Variants in NEDD4L observed in about 807,000 individuals in gnomAD.
The protein encoded by NEDD4L is NEDD4 like E3 ubiquitin protein ligase.
NEDD4L carries 54 observed loss-of-function variants against 148.9 expected under a neutral mutation model. The ratio of observed to expected loss-of-function variants is 0.36; its 90% CI spans 0.29 to 0.45. The LOEUF is 0.45. NEDD4L is among the 20% of genes least tolerant of loss of function. The probability of loss-of-function intolerance (pLI) is 1.00; values close to 1 mark genes in which losing one functional copy is unlikely to be tolerated. For missense variants in NEDD4L, 856 were observed against 1,233.8 expected (o/e 0.69, Z 4.59); for synonymous variants, 433 against 440.7 (o/e 0.98, Z 0.22).
chr18:58,145,149 C>G (rs557658788), intron 1 of NEDD4L, among the ~76,000 whole-genome samples: 132 of 152,290 alleles, frequency 8.7e-4, no homozygotes, highest in Non-Finnish European at 1.6e-3. Context: ...TTCCCCTCCC[C>G]CTGAGGCTCT....
rs142989570 is a variant in NEDD4L, at chr18:58,078,802, A to G, written c.48+34094A>G. ...GAGGAAGATGAAGGTGAAACGTGGT[A>G]TTGGTCAGTCCGTTTCCTGCTTGGT... On this transcript the variant is annotated intron_variant, in intron 1 of 30. Transcript: ENST00000400345. 8.7e-3 allele frequency among the ~76,000 whole-genome samples: 1,330 copies of G among 152,244 alleles called. 20 individuals carry two copies. The highest frequency in any genetic ancestry group is 0.03 in the African/African-American group (1,249 of 41,530).
At chr18:58,150,357 C>G (rs1351074681) in intron 1 of NEDD4L, among the ~76,000 whole-genome samples, 3 of 152,230 alleles carry the variant, frequency 2.0e-5, no homozygotes, top group African/African-American at 7.2e-5. Flanking sequence ...GCCTCAGCCT[C>G]CTGAGTAGCT....
intron 1 of NEDD4L, among the ~76,000 whole-genome samples, chr18:58,081,419 G>A (rs1363558997): frequency 1.3e-5 from 2 of 151,920 alleles, no homozygotes; most frequent in East Asian, 3.9e-4. Context: ...GTTTCACCGT[G>A]TTAGCCAGGA....
intron 2 of NEDD4L, among the ~76,000 whole-genome samples, chr18:58,216,207 G>A (rs1212409031): frequency 6.6e-6 from 1 of 152,104 alleles, no homozygotes; most frequent in Non-Finnish European, 1.5e-5. Flanking sequence ...AGTGTTCGTA[G>A]AGAGGCACGT....
At chr18:58,214,758 G>GT in intron 2 of NEDD4L, among the ~76,000 whole-genome samples, 1 of 147,746 alleles carries the variant, frequency 6.8e-6, no homozygotes, top group African/African-American at 2.5e-5. Flanking sequence ...GGTGTGTCAT[G>GT]TTTTTAAAAC....
chr18:58,238,001 CAA>C (rs577624071), intron 2 of NEDD4L, among the ~76,000 whole-genome samples: 97 of 152,324 alleles, frequency 6.4e-4, no homozygotes, highest in African/African-American at 2.2e-3. Flanking sequence ...TGGAAGCATC[CAA>C]AAGTGTGTTC....
chr18:58,075,991 A>T (rs1358289709), intron 1 of NEDD4L, among the ~76,000 whole-genome samples: 1 of 152,166 alleles, frequency 6.6e-6, no homozygotes, highest in Non-Finnish European at 1.5e-5. Context: ...ATACAAAGTG[A>T]TCGTTAGGTT....
intron 1 of NEDD4L, among the ~76,000 whole-genome samples, chr18:58,152,863 C>T (rs1194634860): frequency 6.6e-6 from 1 of 152,210 alleles, no homozygotes; most frequent in African/African-American, 2.4e-5. Flanking sequence ...AGCATAGACT[C>T]CTGCAGAGAA....
At chr18:58,260,761 G>T (rs746917713) in intron 5 of NEDD4L, among the ~76,000 whole-genome samples, 3 of 152,110 alleles carry the variant, frequency 2.0e-5, no homozygotes, top group Non-Finnish European at 4.4e-5. Flanking sequence ...CAGTTTTTTT[G>T]AAAAGTTTAG....
intron 1 of NEDD4L, among the ~76,000 whole-genome samples, chr18:58,151,627 G>GTGTGTGTGTGTGTGTGTA (rs747532444): frequency 7.2e-6 from 1 of 139,824 alleles, no homozygotes; most frequent in Non-Finnish European, 1.5e-5. Flanking sequence ...GCCTGGATAT[G>GTGTGTGTGTGTGTGTGTA]TGTGTGTGTG....
intron 2 of NEDD4L, among the ~76,000 whole-genome samples, chr18:58,195,124 T>G (rs1371204463): frequency 1.3e-5 from 2 of 152,210 alleles, no homozygotes; most frequent in African/African-American, 4.8e-5. Flanking sequence ...TTTTTAACAT[T>G]GCTATGGACA....
chr18:58,385,449 C>T, intron 25 of NEDD4L, 77 bp from the exon 26 acceptor site: 4 of 1,148,390 alleles, frequency 3.5e-6, no homozygotes, highest in Non-Finnish European at 5.3e-6. Flanking sequence ...GGAGGAGAAG[C>T]ACTCCCTGTT....
chr18:58,146,571 G>T (rs889535787), intron 1 of NEDD4L, among the ~76,000 whole-genome samples: 2 of 152,208 alleles, frequency 1.3e-5, no homozygotes, highest in African/African-American at 4.8e-5. Context: ...GTAGGGTTCA[G>T]CCCTGGCCCT....
At chr18:58,280,063 CG>C (rs1042849956) in intron 5 of NEDD4L, among the ~76,000 whole-genome samples, 2 of 151,776 alleles carry the variant, frequency 1.3e-5, no homozygotes, top group African/African-American at 4.8e-5. Context: ...TATTTTTTTG[CG>C]GGGGGAGGAG....
At chr18:58,172,450 T>A (rs1245215264) in intron 2 of NEDD4L, among the ~76,000 whole-genome samples, 1 of 152,240 alleles carries the variant, frequency 6.6e-6, no homozygotes, top group Non-Finnish European at 1.5e-5. Context: ...AGCTCCTGTT[T>A]CTTGAGCACT....
intron 2 of NEDD4L, among the ~76,000 whole-genome samples, chr18:58,200,711 A>G (rs1009089944): frequency 2.0e-5 from 3 of 152,214 alleles, no homozygotes; most frequent in African/African-American, 4.8e-5. Context: ...TATGAAAAGC[A>G]CTGGACTTAC....
At chr18:58,307,208 G>T (rs2057175465) in intron 5 of NEDD4L, among the ~76,000 whole-genome samples, 1 of 152,184 alleles carries the variant, frequency 6.6e-6, no homozygotes, top group South Asian at 2.1e-4. Flanking sequence ...TGGAGCCTTG[G>T]GAAGTTGGAG....
rs1228373922 is a variant in NEDD4L at position 58,203,379 on chromosome 18, A to G, written c.122+37518A>G. Among the ~76,000 whole-genome samples, 6 of 152,392 alleles carry G rather than the reference A, an allele frequency of 3.9e-5. No individual in the cohort carries two copies. In the East Asian group the frequency reaches 7.7e-4, roughly 20 times the overall value. On this transcript the variant is annotated intron_variant, in intron 2 of 30. Transcript: ENST00000400345. ...GACTACAAGTAGTGAAACCACTGTC[A>G]TAATAAAAATAAAATAAAAGTCTTT...
chr18:58,203,133 A>AT (rs1225888016), intron 2 of NEDD4L, among the ~76,000 whole-genome samples: 1 of 151,828 alleles, frequency 6.6e-6, no homozygotes, highest in Non-Finnish European at 1.5e-5. Context: ...ACACCAACTA[A>AT]TTTTTTTATT....
Sources: gnomAD v4.1 joint callset for allele counts (sites outside exome capture counted in the v4.1 genomes callset) on GRCh38, gnomAD v4.1.1 for gene constraint, MANE v1.5 for transcripts, NCBI Gene and HGNC (gene_info 2026-07-23, HGNC 2026-07-21) for gene names.